The following RTKN2 variants were observed in gnomAD, a reference collection of about 807,000 sequenced individuals.
The protein encoded by RTKN2 is rhotekin 2.
A neutral mutation model predicts 71.5 loss-of-function variants in RTKN2; 69 were observed. The observed-to-expected ratio is 0.96, with a 90% CI of 0.79 to 1.18. The LOEUF is 1.18. RTKN2 is among the 50% of genes most tolerant of loss of function. RTKN2 has a pLI of 0.00. For missense variants in RTKN2, 724 were observed against 719.7 expected (o/e 1.01, Z -0.07); for synonymous variants, 236 against 236.5 (o/e 1.00, Z 0.02).
chr10:62,213,373 G>T (rs1271234421), intron 9 of RTKN2, among the ~76,000 whole-genome samples: 3 of 152,080 alleles, frequency 2.0e-5, no homozygotes, highest in Non-Finnish European at 4.4e-5. Context: ...GTACTTGTCT[G>T]ATCGACCATA....
At chr10:62,234,635 T>TC (rs992117724) in intron 6 of RTKN2, among the ~76,000 whole-genome samples, 3 of 152,236 alleles carry the variant, frequency 2.0e-5, no homozygotes, top group African/African-American at 7.2e-5. Context: ...GGCATTTTTT[T>TC]CTTCTGTTTC....
rs1042665274 is a variant in RTKN2 at position 62,223,337 on chromosome 10, T to C, written c.687-5A>G. ...AGCAAATTATACTTTACACCACTAA[T>C]AGTAAGAAAGAAGACATGTTTTAAG... On this transcript the variant is annotated splice_polypyrimidine_tract_variant and splice_region_variant and intron_variant, in intron 6 of 11. Coordinates refer to ENST00000373789, the MANE Select transcript of RTKN2 (RefSeq NM_145307.4). 5 of 1,532,084 alleles carry C rather than the reference T, an allele frequency of 3.3e-6. No homozygotes were observed. Among genetic ancestry groups the C allele is most frequent in the East Asian group, 2.3e-5 (1 of 44,408 alleles). 94.9% of individuals were successfully genotyped at this position (1,532,084 alleles called of 1,614,324 possible).
chr10:62,263,407 A>G (rs6479799), intron 1 of RTKN2, among the ~76,000 whole-genome samples: 105,145 of 152,146 alleles, frequency 0.69, 36,545 homozygotes, highest in East Asian at 0.9. Context: ...GACCCTGCCA[A>G]TTCCTTGATT....
chr10:62,216,046 A>G (rs1841762611), intron 9 of RTKN2, among the ~76,000 whole-genome samples: 1 of 151,962 alleles, frequency 6.6e-6, no homozygotes, highest in African/African-American at 2.4e-5. Context: ...TCACTAAAAG[A>G]CTTTCTGTAA....
At chr10:62,245,954 T>C in intron 3 of RTKN2, 45 bp downstream of exon 3, 2 of 1,228,208 alleles carry the variant, frequency 1.6e-6, no homozygotes, top group Non-Finnish European at 2.3e-6. Flanking sequence ...TGTAGTTACG[T>C]TATAGAATTT....
chr10:62,217,023 T>C, intron 9 of RTKN2, 95 bp downstream of exon 9: 2 of 885,634 alleles, frequency 2.3e-6, no homozygotes, highest in East Asian at 5.6e-5. Flanking sequence ...CCAGTACTTC[T>C]CTTTTATTTA....
intron 10 of RTKN2, among the ~76,000 whole-genome samples, chr10:62,202,455 A>T (rs924224361): frequency 9.9e-5 from 15 of 152,222 alleles, no homozygotes; most frequent in African/African-American, 3.6e-4. Context: ...ACCTGTCACT[A>T]GGAAAGTTAA....
At chr10:62,221,761 C>A (rs1270687930) in intron 7 of RTKN2, among the ~76,000 whole-genome samples, 1 of 151,924 alleles carries the variant, frequency 6.6e-6, no homozygotes, top group African/African-American at 2.4e-5. Context: ...ATATGGAACA[C>A]ACGGGTGAAT....
In RTKN2 at chr10:62,202,511, C is replaced by T. The variant is rs529157449; in HGVS notation, c.1186+2346G>A. On this transcript the variant is annotated intron_variant, in intron 10 of 11. Coordinates refer to ENST00000373789, the MANE Select transcript of RTKN2 (RefSeq NM_145307.4). ...ATTTTTAGTATGGTATAAATACCTC[C>T]ATCTTTGCTTCATATATCCATACAC... is the stretch of plus-strand genomic sequence containing the variant. Among the ~76,000 whole-genome samples, 13 of 152,242 alleles carry T rather than the reference C, an allele frequency of 8.5e-5. No individual in the cohort carries two copies. The South Asian group carries it at 2.7e-3, about 32-fold the overall frequency.
At chr10:62,244,445 C>G (rs902489774) in intron 3 of RTKN2, among the ~76,000 whole-genome samples, 3 of 151,998 alleles carry the variant, frequency 2.0e-5, no homozygotes, top group African/African-American at 4.8e-5. Flanking sequence ...TCTAAATGTA[C>G]AGTTATTTCT....
Position 62,204,848 on chromosome 10 carries a change from T to C in RTKN2, c.1186+9A>G, listed in dbSNP as rs768648607. 3.2e-5 allele frequency: 50 copies of C among 1,540,298 alleles called. No homozygotes were observed. Among genetic ancestry groups the C allele is most frequent in the Non-Finnish European group, 4.3e-5 (49 of 1,149,210 alleles). On this transcript the variant is annotated intron_variant, in intron 10 of 11. Transcript: ENST00000373789. ...ATACACAACTAAAAAAATCCAAATA[T>C]CTATTTACTAAGATCAAAGAAATGC...
intron 8 of RTKN2, among the ~76,000 whole-genome samples, chr10:62,184,953 T>A (rs1273604205): frequency 6.6e-6 from 1 of 152,192 alleles, no homozygotes; most frequent in East Asian, 1.9e-4. Flanking sequence ...TGGTAAAACA[T>A]CTGCCAAAGT....
chr10:62,213,869 A>G (rs1564505821), intron 9 of RTKN2, among the ~76,000 whole-genome samples: 1 of 152,132 alleles, frequency 6.6e-6, no homozygotes, highest in African/African-American at 2.4e-5. Flanking sequence ...AACAAAAATT[A>G]CTTTAAAAGG....
chr10:62,203,611 C>T (rs770708787), intron 10 of RTKN2, among the ~76,000 whole-genome samples: 1 of 152,228 alleles, frequency 6.6e-6, no homozygotes, highest in South Asian at 2.1e-4. Context: ...TCCCAGAGTG[C>T]TGGGATTACA....
At chr10:62,252,516 T>C (rs1375057997) in intron 2 of RTKN2, among the ~76,000 whole-genome samples, 5 of 152,030 alleles carry the variant, frequency 3.3e-5, no homozygotes, top group Non-Finnish European at 7.4e-5. Flanking sequence ...ACCTATTTAA[T>C]TGCATATCAA....
chr10:62,221,756 G>T (rs1193936676), intron 7 of RTKN2, among the ~76,000 whole-genome samples: 1 of 152,002 alleles, frequency 6.6e-6, no homozygotes, highest in Non-Finnish European at 1.5e-5. Context: ...AGCAAATATG[G>T]AACACACGGG....
Position 62,218,318 on chromosome 10 carries a change from GA to G in RTKN2, c.782-18del, listed in dbSNP as rs11355398. 843,082 of 1,170,716 alleles carry G rather than the reference GA, an allele frequency of 0.72. 295,902 individuals are homozygous for G. Among genetic ancestry groups the G allele is most frequent in the East Asian group, 0.89 (34,581 of 38,992 alleles). 72.5% of individuals were successfully genotyped at this position (1,170,716 alleles called of 1,614,324 possible). On this transcript the variant is annotated intron_variant, in intron 7 of 11. Transcript: ENST00000373789. ...AAGACTCCTCTATTTAAAGGAGAAAGAAAAAAAAAAATCAAGTTATAAATAT... is the reference window on the plus strand; with the variant it reads ...AAGACTCCTCTATTTAAAGGAGAAAGAAAAAAAAAATCAAGTTATAAATAT...
In RTKN2 at chr10:62,197,308, A is replaced by G; in HGVS notation, c.*600T>C. 1.0e-6 allele frequency: 1 copy of G among 985,534 alleles called. No homozygotes were observed. Among genetic ancestry groups the G allele is most frequent in the Non-Finnish European group, 1.2e-6 (1 of 829,632 alleles). The allele number at this position is 985,534 out of a possible 1,614,324, so 61.0% of individuals were successfully genotyped here. ...TCAAGGAAACAAGTTTGAATAGCACATTACAAATTCCCTTTAAAGATGAAG... is the reference window on the plus strand; with the variant it reads ...TCAAGGAAACAAGTTTGAATAGCACGTTACAAATTCCCTTTAAAGATGAAG... On this transcript the variant is annotated 3_prime_UTR_variant, in exon 12 of 12. Transcript: ENST00000373789.
rs1387117660 is a variant in RTKN2, at chr10:62,236,255, G to C, written c.497C>G (p.Ala166Gly). 28 of 1,598,750 alleles carry C rather than the reference G, an allele frequency of 1.8e-5. No individual in the cohort carries two copies. Among genetic ancestry groups the C allele is most frequent in the Non-Finnish European group, 2.4e-5 (28 of 1,170,930 alleles). ...CFENVTIFNEAGPDFQIKVEV... is the reference protein window; with the variant it reads ...CFENVTIFNEGGPDFQIKVEV... ...CACCTTTATCTGAAAGTCTGGCCCT[G>C]CTTCATTACTAAAAACAAGGGCATT... Residue 166 changes from alanine to glycine, a missense_variant, in exon 6 of 12, where the codon GCA becomes GGA. Transcript: ENST00000373789.
Sources: gnomAD v4.1 joint callset for allele counts (sites outside exome capture counted in the v4.1 genomes callset) on GRCh38, gnomAD v4.1.1 for gene constraint, MANE v1.5 for transcripts, NCBI Gene and HGNC (gene_info 2026-07-23, HGNC 2026-07-21) for gene names.